The following ZNF717 variants were observed in gnomAD, a reference collection of about 807,000 sequenced individuals.
ZNF717 encodes krueppel-like factor X17.
Under a neutral mutation model 13.8 loss-of-function variants are expected in ZNF717, and 9 were observed. The ratio of observed to expected loss-of-function variants is 0.65; its 90% CI spans 0.39 to 1.14. The LOEUF is 1.14. ZNF717 is among the 50% of genes most tolerant of loss of function. The pLI is 0.01. For synonymous variants in ZNF717, 327 were observed against 364.1 expected (o/e 0.90, Z 1.16); for missense variants, 1,040 against 1,080.7 (o/e 0.96, Z 0.53).
chr3:75,700,611 T>A (rs1388006897), intron 6 of ZNF717, among the ~76,000 whole-genome samples: 10 of 152,284 alleles, frequency 6.6e-5, no homozygotes, highest in Non-Finnish European at 1.2e-4. Flanking sequence ...TGGAATGAAA[T>A]AGAGACCTTA....
intron 2 of ZNF717, among the ~76,000 whole-genome samples, chr3:75,762,356 G>A (rs559752018): frequency 1.1e-4 from 16 of 150,446 alleles, no homozygotes; most frequent in South Asian, 6.3e-4. Flanking sequence ...TTGGAGAATC[G>A]CTTGAATAAG....
intron 2 of ZNF717, among the ~76,000 whole-genome samples, chr3:75,757,995 G>C (rs1213518358): frequency 2.7e-5 from 4 of 150,778 alleles, no homozygotes; most frequent in African/African-American, 9.7e-5. Flanking sequence ...GGGGATGCCT[G>C]TAATCCGAAA....
chr3:75,738,362 T>C lies in ZNF717; in HGVS notation c.1261A>G (p.Lys421Glu). Residue 421 changes from lysine to glutamate, a missense_variant, in exon 5 of 5, where the codon AAG becomes GAG. Transcript: ENST00000652011. Reference sequence around the variant, plus strand: ...TCACAATGGTCACATGCATAGGGCTTTTCCCCTGTGTGAGTTCTATGATGT... The same window carrying C: ...TCACAATGGTCACATGCATAGGGCTCTTCCCCTGTGTGAGTTCTATGATGT... Reference protein sequence around the residue: ...TIHHRTHTGEKPYACDHCEEA... With the variant: ...TIHHRTHTGEEPYACDHCEEA... 3 of 1,543,246 alleles carry C rather than the reference T, an allele frequency of 1.9e-6. No individual in the cohort carries two copies. Among genetic ancestry groups the C allele is most frequent in the Middle Eastern group, 1.7e-4 (1 of 5,968 alleles).
At position 75,738,666 on chromosome 3, in the gene ZNF717, C is replaced by A; in HGVS notation, c.957G>T (p.Leu319Phe). The change falls in exon 5 of 5, where the codon TTG (leucine) becomes TTT (phenylalanine). Residue 319 changes from leucine (L) to phenylalanine (F), a missense_variant. Around this residue, in one of 3 missense-constraint regions of ZNF717, gnomAD observed 873 missense variants for 832.8 expected, o/e 1.05. Transcript: ENST00000652011. ...KPYACNWCEK[L>F]FSYKSSLIIH... ...TAATGAGGCTGGACTTATAGCTGAA[C>A]AATTTTTCACACCAGTTACAGGCAT... 6.4e-7 allele frequency: 1 copy of A among 1,551,694 alleles called. No individual in the cohort carries two copies. Among genetic ancestry groups the A allele is most frequent in the Non-Finnish European group, 8.7e-7 (1 of 1,146,976 alleles).
chr3:75,745,895 T>C (rs1312609728), intron 2 of ZNF717, among the ~76,000 whole-genome samples: 2 of 151,876 alleles, frequency 1.3e-5, no homozygotes, highest in East Asian at 3.8e-4. Flanking sequence ...TTATTATACT[T>C]TAAGATCTAG....
chr3:75,771,719 C>A (rs1412336926), intron 2 of ZNF717, among the ~76,000 whole-genome samples: 1 of 152,182 alleles, frequency 6.6e-6, no homozygotes, highest in Admixed American at 6.5e-5. Context: ...CGGGTGGGAG[C>A]CCTGCCCCTT....
intron 4 of ZNF717, among the ~76,000 whole-genome samples, chr3:75,721,599 A>AT (rs1938167992): frequency 1.3e-5 from 2 of 152,296 alleles, no homozygotes; most frequent in Non-Finnish European, 2.9e-5. Flanking sequence ...TTTAATTTTT[A>AT]TTTTAAAGAA....
downstream of ZNF717, chr3:75,732,215 C>T (rs1938623167): frequency 2.9e-6 from 2 of 693,082 alleles, no homozygotes; most frequent in African/African-American, 1.8e-5. Context: ...TGAACCTCAG[C>T]CTAACCTGCT....
chr3:75,705,221 T>A, downstream of ZNF717, among the ~76,000 whole-genome samples: 1 of 41,212 alleles, frequency 2.4e-5, no homozygotes, highest in Non-Finnish European at 6.2e-5. Context: ...ACTAATACAT[T>A]ACAATGTACA....
chr3:75,758,246 C>T (rs1028557328), intron 2 of ZNF717, among the ~76,000 whole-genome samples: 42 of 151,896 alleles, frequency 2.8e-4, no homozygotes, highest in African/African-American at 9.2e-4. Flanking sequence ...AACAAGAGCA[C>T]TAGAATCAGA....
intron 6 of ZNF717, among the ~76,000 whole-genome samples, chr3:75,701,277 A>G (rs1343577993): frequency 7.8e-4 from 117 of 150,074 alleles, no homozygotes; most frequent in African/African-American, 2.7e-3. Flanking sequence ...CTGGTGTCAT[A>G]TAAGAGGTGC....
At chr3:75,696,125 G>C (rs75442565) in intron 6 of ZNF717, among the ~76,000 whole-genome samples, 1 of 151,846 alleles carries the variant, frequency 6.6e-6, no homozygotes, top group African/African-American at 2.4e-5. Flanking sequence ...GGTGAAAAAG[G>C]AGACATTACA....
intron 2 of ZNF717, among the ~76,000 whole-genome samples, chr3:75,775,779 G>A (rs1479821224): frequency 5.3e-5 from 8 of 151,078 alleles, no homozygotes; most frequent in Admixed American, 4.6e-4. Context: ...TTGAACGCAG[G>A]AGGCAGAGGT....
chr3:75,765,501 C>G (rs1280105554), intron 2 of ZNF717, among the ~76,000 whole-genome samples: 1 of 152,188 alleles, frequency 6.6e-6, no homozygotes, highest in South Asian at 2.1e-4. Context: ...GCCTCGACCT[C>G]CCAGGCTCAA....
chr3:75,784,020 T>C (rs1944997291), intron 1 of ZNF717, among the ~76,000 whole-genome samples: 3 of 152,112 alleles, frequency 2.0e-5, no homozygotes, highest in African/African-American at 7.2e-5. Context: ...CAATGGAAAA[T>C]GTGATGCAAA....
At chr3:75,770,184 C>G (rs1173956976) in intron 2 of ZNF717, among the ~76,000 whole-genome samples, 1 of 152,260 alleles carries the variant, frequency 6.6e-6, no homozygotes, top group African/African-American at 2.4e-5. Context: ...AAGAATGACA[C>G]TGTAAATGTA....
At chr3:75,778,075 C>T (rs756264543) in intron 2 of ZNF717, among the ~76,000 whole-genome samples, 13 of 145,858 alleles carry the variant, frequency 8.9e-5, no homozygotes, top group Non-Finnish European at 1.7e-4. Flanking sequence ...TCCTGCTAAA[C>T]CAGATACCCA....
intron 5 of ZNF717, among the ~76,000 whole-genome samples, chr3:75,713,058 G>A (rs1397960246): frequency 6.6e-6 from 1 of 152,024 alleles, no homozygotes; most frequent in Non-Finnish European, 1.5e-5. Context: ...GTTGCAGTGA[G>A]CTATGACCAT....
downstream of ZNF717, among the ~76,000 whole-genome samples, chr3:75,734,423 GTT>G (rs1231102186): frequency 1.1e-4 from 4 of 36,624 alleles, no homozygotes; most frequent in East Asian, 4.7e-3. Context: ...GGTAAAATGG[GTT>G]TTTTTTGTTT....
Sources: gnomAD v4.1 joint callset for allele counts (sites outside exome capture counted in the v4.1 genomes callset) on GRCh38, gnomAD v4.1.1 for gene constraint, gnomAD v4.1.1 regional missense constraint, MANE v1.5 for transcripts, NCBI Gene and HGNC (gene_info 2026-07-23, HGNC 2026-07-21) for gene names.